TPRG1: variants seen among roughly 807,000 people sequenced by gnomAD.
TPRG1 encodes the protein tumor protein p63 regulated 1.
Under a neutral mutation model 29.3 loss-of-function variants are expected in TPRG1, and 29 were observed. The ratio of observed to expected loss-of-function variants is 0.99; its 90% confidence interval spans 0.74 to 1.35. The LOEUF is 1.35. Ranked by LOEUF, TPRG1 falls within the 40% of genes most tolerant of loss-of-function variation. TPRG1 has a pLI of 0.00. For missense variants in TPRG1, 327 were observed against 335.0 expected, an observed-to-expected ratio of 0.98 and a Z score of 0.19; for synonymous variants, 130 against 116.8, an observed-to-expected ratio of 1.11 and a Z score of -0.73.
At chr3:189,138,422 C>A (rs945002409) in intron 3 of TPRG1, among the ~76,000 whole-genome samples, 1 of 152,156 alleles carries the variant, frequency 6.6e-6, no homozygotes, top group Non-Finnish European at 1.5e-5. Context: ...ATTAAGAGAG[C>A]AGACTTTCAT....
upstream of TPRG1, among the ~76,000 whole-genome samples, chr3:189,168,858 T>C (rs1728469496): frequency 6.6e-6 from 1 of 152,210 alleles, no homozygotes; most frequent in Non-Finnish European, 1.5e-5. Flanking sequence ...TTTATCTGCA[T>C]GATCCACTAT....
chr3:189,071,324 A>T (rs73048775), intron 4 of TPRG1, among the ~76,000 whole-genome samples: 1 of 152,094 alleles, frequency 6.6e-6, no homozygotes, highest in East Asian at 1.9e-4. Context: ...AACAACTTTT[A>T]GTTTAGTTTA....
intron 5 of TPRG1, among the ~76,000 whole-genome samples, chr3:189,316,469 A>G (rs549740938): frequency 6.6e-6 from 1 of 152,292 alleles, no homozygotes; most frequent in South Asian, 2.1e-4. Flanking sequence ...TCAACTGAGG[A>G]ATGTGGGCCT....
chr3:189,310,350 A>G, intron 4 of TPRG1, 36 bp from the exon 5 acceptor site: 1 of 1,493,396 alleles, frequency 6.7e-7, no homozygotes, highest in Non-Finnish European at 9.0e-7. Flanking sequence ...TTGGAAATGG[A>G]AATGACTAAT....
chr3:189,095,613 T>C (rs1718623914), upstream of TPRG1, among the ~76,000 whole-genome samples: 1 of 152,128 alleles, frequency 6.6e-6, no homozygotes, highest in African/African-American at 2.4e-5. Context: ...CTCCTCTCTA[T>C]ACTCTGTACT....
chr3:189,200,382 C>T (rs1039142425), intron 1 of TPRG1, among the ~76,000 whole-genome samples: 1 of 152,204 alleles, frequency 6.6e-6, no homozygotes. Flanking sequence ...GCTGTTCTCA[C>T]GGAGAGACTC....
At chr3:189,231,991 CTCTT>C (rs1738746773) in intron 3 of TPRG1, among the ~76,000 whole-genome samples, 3 of 133,324 alleles carry the variant, frequency 2.3e-5, no homozygotes, top group Non-Finnish European at 3.4e-5. Context: ...GTATATCTAT[CTCTT>C]TCAACTAAAA....
intron 4 of TPRG1, among the ~76,000 whole-genome samples, chr3:189,308,572 A>G (rs973128302): frequency 1.3e-5 from 2 of 152,176 alleles, no homozygotes; most frequent in Non-Finnish European, 2.9e-5. Context: ...GAACTTGCAT[A>G]TTTGGAAGTA....
intron 2 of TPRG1, among the ~76,000 whole-genome samples, chr3:189,213,798 AT>A (rs917548119): frequency 2.0e-4 from 30 of 151,714 alleles, no homozygotes; most frequent in African/African-American, 7.0e-4. Flanking sequence ...TCTTCTGTTC[AT>A]TTTTTTCTTT....
intron 5 of TPRG1, among the ~76,000 whole-genome samples, chr3:189,162,911 A>G (rs1727668914): frequency 6.6e-6 from 1 of 152,260 alleles, no homozygotes; most frequent in African/African-American, 2.4e-5. Context: ...TTTCTGGCAC[A>G]TGATAAGCAC....
upstream of TPRG1, among the ~76,000 whole-genome samples, chr3:189,168,700 A>G (rs1305268198): frequency 6.6e-6 from 1 of 152,204 alleles, no homozygotes; most frequent in East Asian, 1.9e-4. Flanking sequence ...GTTCACTTCA[A>G]AAGCTGCTGC....
chr3:189,060,840 A>T (rs2152144437), intron 4 of TPRG1, among the ~76,000 whole-genome samples: 1 of 152,352 alleles, frequency 6.6e-6, no homozygotes, highest in Admixed American at 6.5e-5. Context: ...GGATAGGAAG[A>T]ATCAATACCA....
rs546012150 is a variant in TPRG1, at chr3:189,020,120, C to CT, written c.-659-3623dup. Among the ~76,000 whole-genome samples, 1,163 of 152,034 alleles carry CT rather than the reference C, an allele frequency of 7.6e-3. 32 individuals carry two copies. In the East Asian group the frequency reaches 0.09, roughly 12 times the overall value. The stretch of plus-strand genomic sequence containing the variant: ...TATTGCGTCTATTTGATTCTTCTCT[C>CT]TTTTTTTCTTTATTAGTCTTGCTAG... On this transcript the variant is annotated intron_variant, in intron 3 of 10. Coordinates refer to the TPRG1 transcript ENST00000433971.
At chr3:189,289,816 C>T (rs531366878) in intron 4 of TPRG1, among the ~76,000 whole-genome samples, 13 of 152,206 alleles carry the variant, frequency 8.5e-5, no homozygotes, top group Admixed American at 2.0e-4. Context: ...TTTTTGCCCA[C>T]GATGCTCTAT....
At chr3:189,000,539 A>G (rs1711972539) in intron 1 of TPRG1, among the ~76,000 whole-genome samples, 1 of 152,102 alleles carries the variant, frequency 6.6e-6, no homozygotes, top group Non-Finnish European at 1.5e-5. Flanking sequence ...GTATATAAGT[A>G]TGCAGATGGA....
At chr3:189,208,274 TA>T (rs1290979770) in intron 2 of TPRG1, among the ~76,000 whole-genome samples, 1 of 152,212 alleles carries the variant, frequency 6.6e-6, no homozygotes, top group African/African-American at 2.4e-5. Flanking sequence ...TCTTCCTACT[TA>T]TAGATCCTCT....
chr3:189,304,847 T>C (rs1227222278), intron 4 of TPRG1, among the ~76,000 whole-genome samples: 1 of 152,142 alleles, frequency 6.6e-6, no homozygotes, highest in African/African-American at 2.4e-5. Flanking sequence ...ATAGATCATG[T>C]TGTTCTGAGT....
At chr3:189,094,541 A>G (rs976685184) in intron 4 of TPRG1, among the ~76,000 whole-genome samples, 2 of 152,326 alleles carry the variant, frequency 1.3e-5, no homozygotes, top group East Asian at 3.9e-4. Context: ...TTGGAGATCA[A>G]CCTGCTATTT....
intron 1 of TPRG1, among the ~76,000 whole-genome samples, chr3:189,187,154 T>G (rs1016673049): frequency 5.9e-5 from 9 of 151,902 alleles, no homozygotes; most frequent in African/African-American, 2.2e-4. Flanking sequence ...ACTTGGCTAA[T>G]TTTTTGTACT....
Sources: gnomAD v4.1 joint callset for allele counts (sites outside exome capture counted in the v4.1 genomes callset) on GRCh38, gnomAD v4.1.1 for gene constraint, MANE v1.5 for transcripts, NCBI Gene and HGNC (gene_info 2026-07-23, HGNC 2026-07-21) for gene names.